Variants in ZFAND3 observed in about 807,000 individuals in gnomAD.
ZFAND3 encodes zinc finger AN1-type containing 3.
A neutral mutation model predicts 29.6 loss-of-function variants in ZFAND3; 10 were observed. The observed-to-expected ratio is 0.34, with a 90% confidence interval of 0.21 to 0.57. The LOEUF (loss-of-function observed/expected upper bound fraction) is 0.57, where lower values mean the gene tolerates loss of function less well. ZFAND3 is among the 20% of genes least tolerant of loss of function. The pLI, the probability that ZFAND3 is intolerant of heterozygous loss-of-function variation, is 0.86. For synonymous variants in ZFAND3, 128 were observed against 112.6 expected (o/e 1.14, Z -0.87); for missense variants, 230 against 304.5 (o/e 0.76, Z 1.82).
Position 37,844,176 on chromosome 6 carries a change from G to A in ZFAND3, c.71+24160G>A, listed in dbSNP as rs1265464856. Among the ~76,000 whole-genome samples, 42 of 152,032 alleles carry A rather than the reference G, an allele frequency of 2.8e-4. 1 individual carries two copies. Among genetic ancestry groups the A allele is most frequent in the Admixed American group, 2.6e-3 (39 of 15,254 alleles). Reference sequence around the variant, plus strand: ...TGGGCTCCAGTGATCTGCCCGCCTCGACCTCCTAAAGTGTTGGGATTATAG... The same window carrying A: ...TGGGCTCCAGTGATCTGCCCGCCTCAACCTCCTAAAGTGTTGGGATTATAG... On this transcript the variant is annotated intron_variant, in intron 1 of 5. Coordinates refer to ENST00000287218, the MANE Select transcript of ZFAND3 (RefSeq NM_021943.3).
intron 3 of ZFAND3, among the ~76,000 whole-genome samples, chr6:38,079,254 T>C (rs1764612367): frequency 6.6e-6 from 1 of 152,206 alleles, no homozygotes; most frequent in African/African-American, 2.4e-5. Flanking sequence ...GGATATATTA[T>C]TACTGCCAGT....
intron 1 of ZFAND3, among the ~76,000 whole-genome samples, chr6:37,869,192 G>A (rs1001463705): frequency 1.3e-5 from 2 of 152,044 alleles, no homozygotes; most frequent in Non-Finnish European, 2.9e-5. Flanking sequence ...ATGGAGTCTC[G>A]CTCTATCATC....
chr6:37,879,426 A>G (rs1057108734), intron 1 of ZFAND3, among the ~76,000 whole-genome samples: 50 of 151,710 alleles, frequency 3.3e-4, no homozygotes, highest in Non-Finnish European at 4.4e-4. Context: ...ATTGCATGGA[A>G]CCATCTTTAT....
At chr6:37,833,548 G>A (rs145026269) in intron 1 of ZFAND3, among the ~76,000 whole-genome samples, 46 of 152,146 alleles carry the variant, frequency 3.0e-4, no homozygotes, top group African/African-American at 1.1e-3. Context: ...TTCATGGCCG[G>A]GCACGGTGGC....
intron 3 of ZFAND3, among the ~76,000 whole-genome samples, chr6:38,068,333 A>G (rs894953757): frequency 5.3e-5 from 8 of 152,246 alleles, no homozygotes; most frequent in African/African-American, 1.7e-4. Flanking sequence ...TTCAGTGTTT[A>G]TAAGTAAAGT....
intron 1 of ZFAND3, among the ~76,000 whole-genome samples, chr6:37,844,542 A>G (rs1461933404): frequency 5.3e-5 from 8 of 151,718 alleles, no homozygotes; most frequent in Admixed American, 5.3e-4. Flanking sequence ...TGGCCTCCCA[A>G]AGGGCTGAGA....
chr6:37,933,908 A>C (rs1380809487), intron 2 of ZFAND3, among the ~76,000 whole-genome samples: 1 of 118,010 alleles, frequency 8.5e-6, no homozygotes, highest in Non-Finnish European at 1.7e-5. Flanking sequence ...TTTTTTTGAG[A>C]CGGAGTTTCG....
At chr6:38,109,659 C>A (rs1179622927) in intron 4 of ZFAND3, among the ~76,000 whole-genome samples, 1 of 152,064 alleles carries the variant, frequency 6.6e-6, no homozygotes, top group Non-Finnish European at 1.5e-5. Context: ...GGAAGATGGG[C>A]TGTGAGGAAG....
intron 5 of ZFAND3, among the ~76,000 whole-genome samples, chr6:38,126,924 T>G (rs542103645): frequency 4.5e-5 from 5 of 110,964 alleles, no homozygotes; most frequent in South Asian, 2.3e-4. Flanking sequence ...TTTTAGATTG[T>G]TTTTTTTTTT....
chr6:37,968,503 G>A (rs1362991487), intron 2 of ZFAND3, among the ~76,000 whole-genome samples: 1 of 151,782 alleles, frequency 6.6e-6, no homozygotes, highest in African/African-American at 2.4e-5. Context: ...GGTAATATTT[G>A]GTGTGTGCTG....
At chr6:37,826,195 T>C (rs1257430854) in intron 1 of ZFAND3, among the ~76,000 whole-genome samples, 2 of 152,198 alleles carry the variant, frequency 1.3e-5, no homozygotes, top group Admixed American at 1.3e-4. Context: ...CCAGCACTTG[T>C]AATGCAGTAC....
chr6:37,846,307 A>G lies in ZFAND3; in HGVS notation c.71+26291A>G, dbSNP rs117159945. On this transcript the variant is annotated intron_variant, in intron 1 of 5. Coordinates refer to ENST00000287218, the MANE Select transcript of ZFAND3 (RefSeq NM_021943.3). ...GCCTTAGCAGAAACTAGCAAGTGCT[A>G]TTAAAAAGTGTGGAAAATTGAGCCA... 1.4e-4 allele frequency among the ~76,000 whole-genome samples: 21 copies of G among 152,360 alleles called. No homozygotes were observed. The East Asian group carries it at 4.0e-3, about 29-fold the overall frequency.
chr6:37,861,945 A>G (rs1287738395), intron 1 of ZFAND3, among the ~76,000 whole-genome samples: 1 of 152,224 alleles, frequency 6.6e-6, no homozygotes, highest in Non-Finnish European at 1.5e-5. Context: ...GCATTTTCTT[A>G]TAATCTTTCC....
chr6:37,919,492 G>T (rs968890313), intron 1 of ZFAND3, among the ~76,000 whole-genome samples: 1 of 151,942 alleles, frequency 6.6e-6, no homozygotes, highest in East Asian at 1.9e-4. Flanking sequence ...ATTGACCATG[G>T]TTTTTCAGAG....
intron 2 of ZFAND3, among the ~76,000 whole-genome samples, chr6:38,012,407 C>T (rs550371545): frequency 2.1e-4 from 29 of 137,128 alleles, no homozygotes; most frequent in South Asian, 7.2e-4. Flanking sequence ...GAGTCGGAGT[C>T]GTGCACTGTC....
chr6:37,998,205 G>A (rs757208600), intron 2 of ZFAND3, among the ~76,000 whole-genome samples: 2 of 152,268 alleles, frequency 1.3e-5, no homozygotes, highest in East Asian at 3.9e-4. Context: ...GATTCAAAAA[G>A]GCTGCATTCT....
chr6:38,043,051 AT>A (rs1009709850), intron 2 of ZFAND3, among the ~76,000 whole-genome samples: 5 of 152,300 alleles, frequency 3.3e-5, no homozygotes, highest in Admixed American at 2.0e-4. Context: ...TAAGAAATAT[AT>A]TTTTTATTGT....
intron 2 of ZFAND3, among the ~76,000 whole-genome samples, chr6:38,061,355 A>C (rs1204677319): frequency 6.6e-6 from 1 of 152,192 alleles, no homozygotes; most frequent in African/African-American, 2.4e-5. Context: ...AGAATGTTAA[A>C]ATCAGTATGT....
chr6:37,914,745 C>T (rs1471223232), intron 1 of ZFAND3, among the ~76,000 whole-genome samples: 6 of 147,660 alleles, frequency 4.1e-5, no homozygotes, highest in Non-Finnish European at 5.9e-5. Flanking sequence ...TCGTGATCTG[C>T]CTGCCTCGGC....
Sources: gnomAD v4.1 joint callset for allele counts (sites outside exome capture counted in the v4.1 genomes callset) on GRCh38, gnomAD v4.1.1 for gene constraint, MANE v1.5 for transcripts, NCBI Gene and HGNC (gene_info 2026-07-23, HGNC 2026-07-21) for gene names.